EPHA6: variants seen among roughly 807,000 people sequenced by gnomAD.
The protein encoded by EPHA6 is EPH receptor A6, also known as ephrin type-A receptor 6.
A neutral mutation model predicts 112.0 loss-of-function variants in EPHA6; 50 were observed. The ratio of observed to expected loss-of-function variants is 0.45; its 90% CI spans 0.36 to 0.56. The LOEUF (loss-of-function observed/expected upper bound fraction) is 0.56, where lower values mean the gene tolerates loss of function less well. EPHA6 is among the 20% of genes least tolerant of loss of function. The pLI is 0.00. For synonymous variants in EPHA6, 529 were observed against 490.7 expected (o/e 1.08, Z -1.03); for missense variants, 1,280 against 1,417.4 (o/e 0.90, Z 1.56).
chr3:97,475,342 T>A lies in EPHA6; in HGVS notation c.1895-10T>A. 1 of 1,600,512 alleles carries A rather than the reference T, an allele frequency of 6.2e-7. No individual in the cohort carries two copies. Among genetic ancestry groups the A allele is most frequent in the Non-Finnish European group, 8.5e-7 (1 of 1,170,856 alleles). On this transcript the variant is annotated splice_polypyrimidine_tract_variant and intron_variant, in intron 7 of 17. Coordinates refer to ENST00000389672, the MANE Select transcript of EPHA6 (RefSeq NM_001080448.3). Reference sequence around the variant, plus strand: ...CCCAGGGAAATTTTAATATTGTATCTCTGTTTCAGCTTCTGACATGGCAGC... The same window carrying A: ...CCCAGGGAAATTTTAATATTGTATCACTGTTTCAGCTTCTGACATGGCAGC...
chr3:97,745,428 G>T, intron 16 of EPHA6: 1 of 445,514 alleles, frequency 2.2e-6, no homozygotes, highest in Non-Finnish European at 4.5e-6. Flanking sequence ...GTTGCAATAT[G>T]TAGTACAGGA....
intron 5 of EPHA6, among the ~76,000 whole-genome samples, chr3:97,281,864 T>A (rs906130086): frequency 3.3e-5 from 5 of 152,178 alleles, no homozygotes; most frequent in Admixed American, 2.6e-4. Flanking sequence ...TTTGGTTGAA[T>A]TTTTTTACAG....
chr3:96,881,934 A>G (rs984954100), intron 2 of EPHA6, among the ~76,000 whole-genome samples: 1 of 152,142 alleles, frequency 6.6e-6, no homozygotes, highest in Admixed American at 6.5e-5. Context: ...CATCCAGGTC[A>G]TGTTTATGTA....
chr3:97,643,483 A>G (rs1206012303), intron 14 of EPHA6, among the ~76,000 whole-genome samples: 1 of 150,246 alleles, frequency 6.7e-6, no homozygotes, highest in African/African-American at 2.4e-5. Flanking sequence ...TCCAATTAAA[A>G]GACACAGACT....
chr3:97,672,063 T>C (rs1390876495), intron 14 of EPHA6, among the ~76,000 whole-genome samples: 1 of 152,240 alleles, frequency 6.6e-6, no homozygotes. Flanking sequence ...GCTTTCCAGA[T>C]GAAAAACAAA....
At chr3:97,282,206 T>G in intron 5 of EPHA6, among the ~76,000 whole-genome samples, 1 of 152,148 alleles carries the variant, frequency 6.6e-6, no homozygotes, top group Non-Finnish European at 1.5e-5. Context: ...TATAAGTATG[T>G]TCAATATGTA....
Position 97,632,943 on chromosome 3 carries a change from C to G in EPHA6, c.2575-4930C>G, listed in dbSNP as rs2093916057. Among the ~76,000 whole-genome samples, 4 of 152,148 alleles carry G rather than the reference C, an allele frequency of 2.6e-5. No homozygotes were observed. In the South Asian group the frequency reaches 8.3e-4, roughly 32 times the overall value. ...GTTGGCTTCAGGACAGCCTGGCACT[C>G]AGATCCTATGTTTGTCATAACCTCG... On this transcript the variant is annotated intron_variant, in intron 13 of 17. Transcript: ENST00000389672.
intron 12 of EPHA6, among the ~76,000 whole-genome samples, chr3:97,599,152 G>C (rs1211759111): frequency 2.0e-5 from 3 of 151,800 alleles, no homozygotes; most frequent in Admixed American, 6.6e-5. Context: ...GTTCATTGTA[G>C]ATTCTGGATA....
chr3:97,312,361 G>A (rs998838111), intron 5 of EPHA6, among the ~76,000 whole-genome samples: 8 of 151,540 alleles, frequency 5.3e-5, no homozygotes, highest in Admixed American at 2.6e-4. Flanking sequence ...CCTGATTTGC[G>A]TGGAGTGGAG....
chr3:97,100,232 T>C (rs539357815), intron 3 of EPHA6, among the ~76,000 whole-genome samples: 1 of 149,648 alleles, frequency 6.7e-6, no homozygotes, highest in Non-Finnish European at 1.5e-5. Context: ...ACAATAAATA[T>C]AGTTTATATA....
chr3:96,926,123 C>T (rs564009966), intron 2 of EPHA6, among the ~76,000 whole-genome samples: 1 of 152,098 alleles, frequency 6.6e-6, no homozygotes, highest in East Asian at 1.9e-4. Context: ...GGTAGGGAGG[C>T]CTCAGGAAAC....
At chr3:97,053,473 T>A (rs1307408027) in intron 3 of EPHA6, among the ~76,000 whole-genome samples, 1 of 152,086 alleles carries the variant, frequency 6.6e-6, no homozygotes, top group Non-Finnish European at 1.5e-5. Context: ...TAAAAATGAT[T>A]ACTAAATTAA....
intron 5 of EPHA6, among the ~76,000 whole-genome samples, chr3:97,280,066 A>G (rs1279143826): frequency 1.3e-5 from 2 of 152,154 alleles, no homozygotes; most frequent in Non-Finnish European, 2.9e-5. Context: ...TCATATTTTT[A>G]GTAGAGACAG....
intron 5 of EPHA6, among the ~76,000 whole-genome samples, chr3:97,258,240 G>T (rs2079380348): frequency 6.7e-6 from 1 of 148,260 alleles, no homozygotes; most frequent in South Asian, 2.1e-4. Context: ...TTGTGTATGA[G>T]TATATATATA....
At chr3:97,141,795 C>T (rs994082124) in intron 3 of EPHA6, among the ~76,000 whole-genome samples, 1 of 151,828 alleles carries the variant, frequency 6.6e-6, no homozygotes, top group African/African-American at 2.4e-5. Flanking sequence ...ACAAATCAAA[C>T]CCGACACTAG....
chr3:96,842,585 T>C (rs1015572895), intron 1 of EPHA6, among the ~76,000 whole-genome samples: 1 of 152,132 alleles, frequency 6.6e-6, no homozygotes, highest in Admixed American at 6.6e-5. Flanking sequence ...AGGTACACCC[T>C]AAATTTCAGC....
intron 5 of EPHA6, among the ~76,000 whole-genome samples, chr3:97,307,855 C>G (rs1001995583): frequency 4.0e-5 from 6 of 151,670 alleles, no homozygotes; most frequent in African/African-American, 1.2e-4. Flanking sequence ...TTCAAACTAT[C>G]TCTCTCTACC....
chr3:97,470,028 T>C (rs1194965696), intron 7 of EPHA6, among the ~76,000 whole-genome samples: 1 of 151,682 alleles, frequency 6.6e-6, no homozygotes, highest in African/African-American at 2.4e-5. Context: ...CAATATCATC[T>C]ACAAAGTCAC....
intron 6 of EPHA6, among the ~76,000 whole-genome samples, chr3:97,427,509 G>T (rs2107216666): frequency 1.3e-5 from 2 of 152,184 alleles, no homozygotes; most frequent in South Asian, 4.2e-4. Flanking sequence ...TGGACACATA[G>T]AGGAATAACA....
Sources: gnomAD v4.1 joint callset for allele counts (sites outside exome capture counted in the v4.1 genomes callset) on GRCh38, gnomAD v4.1.1 for gene constraint, MANE v1.5 for transcripts, NCBI Gene and HGNC (gene_info 2026-07-23, HGNC 2026-07-21) for gene names.